Variants in NID1 observed in about 807,000 individuals in gnomAD.
NID1 encodes the protein nidogen 1.
A neutral mutation model predicts 130.6 loss-of-function variants in NID1; 76 were observed. The ratio of observed to expected loss-of-function variants is 0.58; its 90% CI spans 0.48 to 0.70. The LOEUF (loss-of-function observed/expected upper bound fraction) is 0.70. NID1 is among the 30% of genes least tolerant of loss of function. The probability of loss-of-function intolerance (pLI) is 0.00; values close to 1 mark genes in which losing one functional copy is unlikely to be tolerated. For synonymous variants in NID1, 665 were observed against 675.1 expected (o/e 0.98, Z 0.23); for missense variants, 1,517 against 1,664.8 (o/e 0.91, Z 1.54).
intron 10 of NID1, among the ~76,000 whole-genome samples, chr1:236,016,131 A>C (rs574273149): frequency 6.6e-6 from 1 of 152,172 alleles, no homozygotes; most frequent in Admixed American, 6.5e-5. Flanking sequence ...GGTCAAATAC[A>C]CAGAAACTGA....
In NID1 at chr1:236,012,573, A is replaced by AG. The variant is rs1658461761; in HGVS notation, c.2405-531_2405-530insC. 5.1e-5 allele frequency among the ~76,000 whole-genome samples: 7 copies of AG among 137,158 alleles called. No individual in the cohort carries two copies. In the South Asian group the frequency reaches 1.2e-3, roughly 23 times the overall value. The allele number at this position is 137,158 out of a possible 152,430, so 90.0% of individuals were successfully genotyped here. A position where few individuals can be genotyped will look rare whatever the true frequency, so the allele number is the denominator to read the frequency against. On this transcript the variant is annotated intron_variant, in intron 11 of 19. Transcript: ENST00000264187. ...AATGCCATCTCAAAAAAAAAAAAAA[A>AG]AAAAAAAAGAAAGAAAAGAATGTTT...
At chr1:236,051,947 A>G (rs7543176) in intron 1 of NID1, among the ~76,000 whole-genome samples, 9,586 of 152,336 alleles carry the variant, frequency 0.063, 908 homozygotes, top group African/African-American at 0.2. Context: ...GACAAATGTC[A>G]TGCAGCACTG....
At chr1:236,057,780 A>AG (rs1659937576) in intron 1 of NID1, among the ~76,000 whole-genome samples, 1 of 152,110 alleles carries the variant, frequency 6.6e-6, no homozygotes, top group African/African-American at 2.4e-5. Context: ...AGAAAAGAAA[A>AG]AAAGAAAAAG....
Position 235,979,593 on chromosome 1 carries a change from A to T in NID1, c.3509+229T>A, listed in dbSNP as rs1657371608. ...AAACCACACAGTCAGGAGCATCTGGATGATAAATGGCACCTCCTGTCCCCT... is the reference window on the plus strand; with the variant it reads ...AAACCACACAGTCAGGAGCATCTGGTTGATAAATGGCACCTCCTGTCCCCT... On this transcript the variant is annotated intron_variant, in intron 18 of 19. Transcript: ENST00000264187. This position sits in a 1 kb window ranked among gnomAD's most constrained non-coding sequence, Gnocchi z 4.6. Among the ~76,000 whole-genome samples, 1 of 152,168 alleles carries T rather than the reference A, an allele frequency of 6.6e-6. No individual in the cohort carries two copies. Among genetic ancestry groups the T allele is most frequent in the South Asian group, 2.1e-4 (1 of 4,830 alleles).
intron 1 of NID1, among the ~76,000 whole-genome samples, chr1:236,054,601 A>G (rs1209687452): frequency 6.6e-6 from 1 of 152,072 alleles, no homozygotes; most frequent in African/African-American, 2.4e-5. Context: ...AATTATTATC[A>G]TTTCTTAAAG....
rs546641377 is a variant in NID1 at position 235,980,030 on chromosome 1, A to C, written c.3386-85T>G. 23 of 1,451,798 alleles carry C rather than the reference A, an allele frequency of 1.6e-5. No individual in the cohort carries two copies. The African/African-American group carries it at 2.8e-4, about 18-fold the overall frequency. 89.9% of individuals were successfully genotyped at this position (1,451,798 alleles called of 1,614,324 possible). On this transcript the variant is annotated intron_variant, in intron 17 of 19. Coordinates refer to ENST00000264187, the MANE Select transcript of NID1 (RefSeq NM_002508.3). ...AAAAAACAAGAGTAATGAGGGCAAG[A>C]GTGGGAGAAATTAAGCATTACAATG... is the stretch of plus-strand genomic sequence containing the variant.
At chr1:236,000,886 C>A (rs12085328) in intron 12 of NID1, among the ~76,000 whole-genome samples, 1 of 152,046 alleles carries the variant, frequency 6.6e-6, no homozygotes, top group Non-Finnish European at 1.5e-5. Context: ...TGGAAAGAGA[C>A]GACATGCAAC....
At chr1:236,042,885 A>T (rs1659495958) in intron 3 of NID1, among the ~76,000 whole-genome samples, 1 of 152,216 alleles carries the variant, frequency 6.6e-6, no homozygotes, top group Non-Finnish European at 1.5e-5. Flanking sequence ...AGGCATGATT[A>T]GAAGGTTGGA....
In NID1 at chr1:235,981,734, A is replaced by C; in HGVS notation, c.3104T>G (p.Ile1035Ser). The change falls in exon 16 of 20, where the codon ATC (isoleucine) becomes AGC (serine). Residue 1035 changes from isoleucine (I) to serine (S), a missense_variant. Physicochemically the swap from Ile to Ser is moderately radical, Grantham distance 142. This residue lies in a region of NID1 where 1,329 missense variants were observed against 1,429.2 expected (regional missense o/e 0.93). Transcript: ENST00000264187. ...GIAVDHLGRN[I>S]FWTDSNLDRI... ...ATCCAGGTTAGAGTCTGTCCAGAAG[A>C]TGTTGCGGCCAAGGTGATCAACAGC... is the stretch of plus-strand genomic sequence containing the variant. 6.2e-7 allele frequency: 1 copy of C among 1,613,910 alleles called. No individual in the cohort carries two copies. Among genetic ancestry groups the C allele is most frequent in the East Asian group, 2.2e-5 (1 of 44,884 alleles).
At chr1:236,037,572 C>G (rs1362461761) in intron 5 of NID1, among the ~76,000 whole-genome samples, 2 of 151,886 alleles carry the variant, frequency 1.3e-5, no homozygotes, top group African/African-American at 4.8e-5. Flanking sequence ...GCAGGAGAAT[C>G]ACTTGAACCT....
chr1:235,993,513 G>C (rs2102801390), intron 13 of NID1, 132 bp downstream of exon 13: 1 of 793,848 alleles, frequency 1.3e-6, no homozygotes, highest in Non-Finnish European at 1.9e-6. Context: ...TGCAGCAGGA[G>C]CGGGTGGGGC....
At chr1:236,032,179 C>A (rs1361418185) in intron 6 of NID1, among the ~76,000 whole-genome samples, 1 of 152,198 alleles carries the variant, frequency 6.6e-6, no homozygotes, top group Non-Finnish European at 1.5e-5. Flanking sequence ...CAATTCTAGG[C>A]AGTCTCAGTT....
At chr1:235,985,204 GA>G (rs1275082970) in intron 15 of NID1, among the ~76,000 whole-genome samples, 174 bp downstream of exon 15, 11 of 141,234 alleles carry the variant, frequency 7.8e-5, no homozygotes, top group African/African-American at 2.4e-4. Flanking sequence ...AAAAAAAAAA[GA>G]AAAAAAAAAG....
chr1:235,990,734 GC>G lies in NID1; in HGVS notation c.2928+151del, dbSNP rs1191208319. On this transcript the variant is annotated intron_variant, in intron 14 of 19. Coordinates refer to ENST00000264187, the MANE Select transcript of NID1 (RefSeq NM_002508.3). ...TCACGAGCAGCTCAGCAATACAGTG[GC>G]CCCATCTAGAGATGGTCACCCAGGA... 38 of 758,294 alleles carry G rather than the reference GC, an allele frequency of 5.0e-5. No homozygotes were observed. In the East Asian group the frequency reaches 6.6e-4, roughly 13 times the overall value. The allele number at this position is 758,294 out of a possible 1,614,324, so 47.0% of individuals were successfully genotyped here. A position where few individuals can be genotyped will look rare whatever the true frequency, so the allele number is the denominator to read the frequency against.
intron 4 of NID1, among the ~76,000 whole-genome samples, chr1:236,039,053 T>C (rs113633105): frequency 7.1e-6 from 1 of 141,014 alleles, no homozygotes; most frequent in African/African-American, 2.6e-5. Context: ...TTACATTATA[T>C]ATTTATATAT....
chr1:236,043,436 G>GA (rs372320452), intron 3 of NID1, among the ~76,000 whole-genome samples: 55 of 151,906 alleles, frequency 3.6e-4, no homozygotes, highest in African/African-American at 1.2e-3. Flanking sequence ...GTTGGTGTGG[G>GA]AAAAAAAACC....
intron 9 of NID1, among the ~76,000 whole-genome samples, chr1:236,022,057 C>T (rs1415996765): frequency 1.3e-5 from 2 of 151,988 alleles, no homozygotes; most frequent in Admixed American, 6.6e-5. Flanking sequence ...ATTGCTTGAG[C>T]CCAGGAGTTT....
intron 1 of NID1, chr1:236,064,591 C>G (rs1172381095): frequency 4.4e-6 from 2 of 451,748 alleles, no homozygotes; most frequent in Admixed American, 3.8e-5. Context: ...GAGGAAGCTC[C>G]GCGGGGTCCA....
chr1:236,000,946 C>A (rs1379032206), intron 12 of NID1, among the ~76,000 whole-genome samples: 5 of 152,138 alleles, frequency 3.3e-5, no homozygotes, highest in South Asian at 2.1e-4. Context: ...TGGGAAGGTG[C>A]TATTTATTCA....
Sources: gnomAD v4.1 joint callset for allele counts (sites outside exome capture counted in the v4.1 genomes callset) on GRCh38, gnomAD v4.1.1 for gene constraint, gnomAD v4.1.1 regional missense constraint, Gnocchi (gnomAD v3.1) non-coding constraint, MANE v1.5 for transcripts, NCBI Gene and HGNC (gene_info 2026-07-23, HGNC 2026-07-21) for gene names.